Variants in LINGO4 observed in about 807,000 individuals in gnomAD.
LINGO4 encodes the protein leucine-rich repeat and immunoglobulin-like domain-containing nogo receptor-interacting protein 4.
Under a neutral mutation model 27.9 loss-of-function variants are expected in LINGO4, and 22 were observed. That is an observed-to-expected ratio of 0.79 (90% CI 0.56 to 1.13). The LOEUF is 1.13. LINGO4 is among the 50% of genes most tolerant of loss of function. LINGO4 has a pLI of 0.00. For missense variants in LINGO4, 706 were observed against 739.4 expected (o/e 0.95, Z 0.52); for synonymous variants, 306 against 325.8 (o/e 0.94, Z 0.65).
rs747189010 is a variant in LINGO4, at chr1:151,802,345, G to A, written c.360C>T (p.Leu120=). The A allele has an allele frequency of 4.3e-6, 7 of 1,614,072 alleles. No individual in the cohort carries two copies. The South Asian group carries it at 6.6e-5, about 15-fold the overall frequency. The part of the protein sequence containing the change: ...LLTLRLQGNR[L]RIMGPGVFSG... ...AGAAGACCCCAGGCCCCATGATTCT[G>A]AGCCGATTGCCCTGCAGCCTCAGGG... The change falls in exon 2 of 2, where the codon CTC becomes CTT. Residue 120 remains leucine (L), a synonymous_variant. Transcript: ENST00000368820.
At chr1:151,804,903 G>A (rs573319207) in intron 1 of LINGO4, among the ~76,000 whole-genome samples, 4 of 152,192 alleles carry the variant, frequency 2.6e-5, no homozygotes, top group Non-Finnish European at 4.4e-5. Context: ...ACACCTGACT[G>A]ACAAATGGGA....
rs754121686 is a variant in LINGO4 at position 151,801,749 on chromosome 1, G to A, written c.956C>T (p.Ala319Val). The A allele has an allele frequency of 2.8e-5, 45 of 1,614,092 alleles. No individual in the cohort carries two copies. Among genetic ancestry groups the A allele is most frequent in the Non-Finnish European group, 3.8e-5 (45 of 1,180,044 alleles). The change falls in exon 2 of 2, where the codon GCC becomes GTC. Residue 319 changes from alanine (A) to valine (V), a missense_variant. By Grantham distance (64) the Ala-to-Val change is moderately conservative. Transcript: ENST00000368820. The surrounding 1 kb of genome is among the most constrained non-coding windows in gnomAD (Gnocchi z 5.7). ...GACLTSIAAH[A>V]FHGLTAFHLL... ...GTGGAAGGCAGTCAAGCCATGGAAGGCATGGGCAGCAATGGAGGTGAGGCA... is the reference window on the plus strand; with the variant it reads ...GTGGAAGGCAGTCAAGCCATGGAAGACATGGGCAGCAATGGAGGTGAGGCA...
chr1:151,801,502 G>A lies in LINGO4; in HGVS notation c.1203C>T (p.Asp401=). 6.2e-7 allele frequency: 1 copy of A among 1,614,162 alleles called. No homozygotes were observed. Among genetic ancestry groups the A allele is most frequent in the Non-Finnish European group, 8.5e-7 (1 of 1,180,050 alleles). The change falls in exon 2 of 2, where the codon GAC becomes GAT. Residue 401 remains aspartate, a synonymous_variant. Transcript: ENST00000368820. This position sits in a 1 kb window ranked among gnomAD's most constrained non-coding sequence, Gnocchi z 5.7. ...AGGTGAAGTGCCCTGGAGGCAGGAT[G>A]TCTGAAAACTCCTTCAGGCTCTTCC... ...VQGKSLKEFS[D]ILPPGHFTCK...
rs1248407863 is a variant in LINGO4, at chr1:151,801,678, C to T, written c.1027G>A (p.Ala343Thr). 1 of 1,614,234 alleles carries T rather than the reference C, an allele frequency of 6.2e-7. No homozygotes were observed. Residue 343 changes from alanine to threonine, a missense_variant, in exon 2 of 2, where the codon GCT (alanine) becomes ACT (threonine). Physicochemically the swap from Ala to Thr is moderately conservative, Grantham distance 58 (BLOSUM62 0). Transcript: ENST00000368820. The surrounding 1 kb of genome is among the most constrained non-coding windows in gnomAD (Gnocchi z 5.7). ...ACCAGTTTGTCTGGAGAAGGGAAAGCTGTTTCCTCTAGTGTCTGAAGGGCG... is the reference window on the plus strand; with the variant it reads ...ACCAGTTTGTCTGGAGAAGGGAAAGTTGTTTCCTCTAGTGTCTGAAGGGCG... ...DNALQTLEET[A>T]FPSPDKLVTL...
rs12409493 is a variant in LINGO4, at chr1:151,800,691, G to A, written c.*232C>T. ...GGGGTGAAGCAGGGGCTGGACTAAC[G>A]ACGGGGTCTGCATCTGCAGCTCCCT... On this transcript the variant is annotated 3_prime_UTR_variant, in exon 2 of 2. Coordinates refer to ENST00000368820, the MANE Select transcript of LINGO4 (RefSeq NM_001004432.4). The A allele has an allele frequency of 0.33, 171,424 of 511,802 alleles. 30,027 individuals are homozygous for A. The highest frequency in any genetic ancestry group is 0.46 in the Middle Eastern group (915 of 1,982). 31.7% of individuals were successfully genotyped at this position (511,802 alleles called of 1,614,324 possible).
At position 151,801,789 on chromosome 1, in the gene LINGO4, GT is replaced by G. The variant is rs1251041189; in HGVS notation, c.915del (p.Arg306AlafsTer18). ...RLSPLVRLQELRLSGACLTSI... is the reference protein window; with the variant it reads ...RLSPLVRLQEXRLSGACLTSI... ...GAGGTGAGGCATGCCCCTGACAGGC[GT>G]AGCTCCTGGAGCCGCACCAGGGGGC... On this transcript the variant is annotated frameshift_variant, in exon 2 of 2. Transcript: ENST00000368820. LOFTEE classifies it high-confidence loss of function. The surrounding 1 kb of genome is among the most constrained non-coding windows in gnomAD (Gnocchi z 5.7). The G allele has an allele frequency of 5.0e-6, 8 of 1,614,094 alleles. No homozygotes were observed. Among genetic ancestry groups the G allele is most frequent in the Admixed American group, 1.7e-5 (1 of 60,008 alleles).
chr1:151,804,547 A>G (rs1259682881), intron 1 of LINGO4, among the ~76,000 whole-genome samples: 1 of 152,248 alleles, frequency 6.6e-6, no homozygotes, highest in Non-Finnish European at 1.5e-5. Flanking sequence ...GCAAAAGTGC[A>G]GTGAAGCATG....
Position 151,802,076 on chromosome 1 carries a change from C to CT in LINGO4, c.628dup (p.Arg210LysfsTer3), listed in dbSNP as rs1296339611. On this transcript the variant is annotated frameshift_variant, in exon 2 of 2. Coordinates refer to ENST00000368820, the MANE Select transcript of LINGO4 (RefSeq NM_001004432.4). LOFTEE classifies it high-confidence loss of function. ...CCTCCCAATATCCAGTTCTCTAAGC[C>CT]TTAGGGCCACTAGTGCCGGGAGACG... 2 of 1,613,962 alleles carry CT rather than the reference C, an allele frequency of 1.2e-6. No homozygotes were observed. The highest frequency in any genetic ancestry group is 1.7e-6 in the Non-Finnish European group (2 of 1,180,032).
At chr1:151,804,031 C>T (rs776083708) in intron 1 of LINGO4, among the ~76,000 whole-genome samples, 3 of 152,276 alleles carry the variant, frequency 2.0e-5, no homozygotes, top group South Asian at 2.1e-4. Flanking sequence ...GGATACAGCG[C>T]GTCTGAGTCT....
In LINGO4 at chr1:151,801,459, G is replaced by A. The variant is rs140280186; in HGVS notation, c.1246C>T (p.Arg416Ter). ...GHFTCKPALI[R>*]KSGPRWVIAE... ...ATGACCCATCGAGGCCCCGACTTTC[G>A]GATCAGGGCTGGTTTGCAGGTGAAG... The change falls in exon 2 of 2, where the codon CGA becomes TGA. Residue 416 changes from arginine (R) to a stop codon, truncating the protein, a stop_gained. Transcript: ENST00000368820. LOFTEE classifies it high-confidence loss of function. The surrounding 1 kb of genome is among the most constrained non-coding windows in gnomAD (Gnocchi z 5.7). The A allele has an allele frequency of 2.7e-5, 44 of 1,614,054 alleles. No individual in the cohort carries two copies. Among genetic ancestry groups the A allele is most frequent in the East Asian group, 6.7e-5 (3 of 44,886 alleles).
In LINGO4 at chr1:151,801,525, TC is replaced by T. The variant is rs770083424; in HGVS notation, c.1179del (p.Lys394ArgfsTer3). 3.1e-6 allele frequency: 5 copies of T among 1,613,786 alleles called. No individual in the cohort carries two copies. Among genetic ancestry groups the T allele is most frequent in the Non-Finnish European group, 2.5e-6 (3 of 1,179,946 alleles). On this transcript the variant is annotated frameshift_variant, in exon 2 of 2. Transcript: ENST00000368820. LOFTEE classifies it high-confidence loss of function. This position sits in a 1 kb window ranked among gnomAD's most constrained non-coding sequence, Gnocchi z 5.7. ...ATGTCTGAAAACTCCTTCAGGCTCT[TC>T]CCCTGGACATGATGGGGGCCAGCAC... Reference protein sequence around the residue: ...PACAGPHHVQGKSLKEFSDIL... With the variant: ...PACAGPHHVQXKSLKEFSDIL...
chr1:151,801,609 G>A lies in LINGO4; in HGVS notation c.1096C>T (p.Leu366Phe), dbSNP rs755428616. ...CGGCGGAGCCGGAGCAGCCAGAGGA[G>A]GCGGCAGTCACAGGTTAGGGGGTTG... Reference protein sequence around the residue: ...SGNPLTCDCRLLWLLRLRRHL... With the variant: ...SGNPLTCDCRFLWLLRLRRHL... The change falls in exon 2 of 2, where the codon CTC becomes TTC. Residue 366 changes from leucine (L) to phenylalanine (F), a missense_variant. Transcript: ENST00000368820. The surrounding 1 kb of genome is among the most constrained non-coding windows in gnomAD (Gnocchi z 5.7). 9 of 1,613,974 alleles carry A rather than the reference G, an allele frequency of 5.6e-6. No individual in the cohort carries two copies. Among genetic ancestry groups the A allele is most frequent in the Non-Finnish European group, 7.6e-6 (9 of 1,180,040 alleles).
In LINGO4 at chr1:151,802,657, CG is replaced by C; in HGVS notation, c.47del (p.Pro16ArgfsTer52). 1 of 1,554,132 alleles carries C rather than the reference CG, an allele frequency of 6.4e-7. No homozygotes were observed. The highest frequency in any genetic ancestry group is 1.2e-5 in the South Asian group (1 of 80,542). On this transcript the variant is annotated frameshift_variant, in exon 2 of 2. Transcript: ENST00000368820. LOFTEE classifies it high-confidence loss of function. ...CAGGTAGGAGGAGGAGGAAAAGGAG[CG>C]GGGGCCATGGGGGCCAGGCTTGCTT... is the stretch of plus-strand genomic sequence containing the variant. The part of the protein sequence containing the change: ...APKQAWPPWP[P>X]LLFLLLLPGG...
chr1:151,802,658 G>T lies in LINGO4; in HGVS notation c.47C>A (p.Pro16Gln), dbSNP rs772746600. The change falls in exon 2 of 2, where the codon CCG (proline) becomes CAG (glutamine). Residue 16 changes from proline (P) to glutamine (Q), a missense_variant. Physicochemically the swap from Pro to Gln is moderately conservative, Grantham distance 76. Transcript: ENST00000368820. ...AGGTAGGAGGAGGAGGAAAAGGAGC[G>T]GGGGCCATGGGGGCCAGGCTTGCTT... ...APKQAWPPWPPLLFLLLLPGG... is the reference protein window; with the variant it reads ...APKQAWPPWPQLLFLLLLPGG... 1.3e-6 allele frequency: 2 copies of T among 1,545,088 alleles called. No homozygotes were observed. The highest frequency in any genetic ancestry group is 2.3e-5 in the East Asian group (1 of 44,234).
chr1:151,804,526 C>T (rs1240528224), intron 1 of LINGO4, among the ~76,000 whole-genome samples: 1 of 152,246 alleles, frequency 6.6e-6, no homozygotes, highest in Non-Finnish European at 1.5e-5. Context: ...CCCATCCTCG[C>T]TCTGCATTCA....
rs142979234 is a variant in LINGO4 at position 151,802,026 on chromosome 1, G to T, written c.679C>A (p.Leu227Met). Residue 227 changes from leucine (L) to methionine (M), a missense_variant, in exon 2 of 2, where the codon CTG becomes ATG. Leu to Met is a conservative substitution (Grantham distance 15). Coordinates refer to ENST00000368820, the MANE Select transcript of LINGO4 (RefSeq NM_001004432.4). ...ATCTCCAGCTCCTTGAGCTGCCCCA[G>T]CCCCCGCAGGGCCCCAGCTGGCAGC... ...GRLPAGALRG[L>M]GQLKELEIHL... 1.4e-4 allele frequency: 224 copies of T among 1,614,120 alleles called. No individual in the cohort carries two copies. Among genetic ancestry groups the T allele is most frequent in the Admixed American group, 6.3e-4 (38 of 60,024 alleles).
chr1:151,801,558 G>C lies in LINGO4; in HGVS notation c.1147C>G (p.Pro383Ala), dbSNP rs181187833. Residue 383 changes from proline to alanine, a missense_variant, in exon 2 of 2, where the codon CCT becomes GCT. Transcript: ENST00000368820. This position sits in a 1 kb window ranked among gnomAD's most constrained non-coding sequence, Gnocchi z 5.7. ...ACATGATGGGGGCCAGCACAGGCAG[G>C]GGGGGACATGCCAAAGTCCAGGTGG... is the stretch of plus-strand genomic sequence containing the variant. ...RRHLDFGMSP[P>A]ACAGPHHVQG... 379 of 1,613,754 alleles carry C rather than the reference G, an allele frequency of 2.3e-4. 3 individuals carry two copies. In the East Asian group the frequency reaches 6.1e-3, roughly 26 times the overall value.
chr1:151,802,821 T>C (rs1013055207), intron 1 of LINGO4, 104 bp from the exon 2 acceptor site: 3 of 768,436 alleles, frequency 3.9e-6, no homozygotes. Context: ...GGTCTATCTG[T>C]CTCAGCATTG....
Position 151,801,895 on chromosome 1 carries a change from T to C in LINGO4, c.810A>G (p.Gln270=). 1 of 1,614,156 alleles carries C rather than the reference T, an allele frequency of 6.2e-7. No homozygotes were observed. The highest frequency in any genetic ancestry group is 8.5e-7 in the Non-Finnish European group (1 of 1,179,994). ...TRCNLSSVPF[Q]ALYHLSFLRV... is the part of the protein sequence containing the mutation. ...TGAGGAAGCTGAGGTGGTACAGTGCTTGGAAGGGCACCGAGCTCAGATTGC... is the reference window on the plus strand; with the variant it reads ...TGAGGAAGCTGAGGTGGTACAGTGCCTGGAAGGGCACCGAGCTCAGATTGC... Residue 270 remains glutamine (Q), a synonymous_variant, in exon 2 of 2, where the codon CAA becomes CAG. Coordinates refer to ENST00000368820, the MANE Select transcript of LINGO4 (RefSeq NM_001004432.4). The surrounding 1 kb of genome is among the most constrained non-coding windows in gnomAD (Gnocchi z 5.7).
Sources: gnomAD v4.1 joint callset for allele counts (sites outside exome capture counted in the v4.1 genomes callset) on GRCh38, gnomAD v4.1.1 for gene constraint, Gnocchi (gnomAD v3.1) non-coding constraint, MANE v1.5 for transcripts, NCBI Gene and HGNC (gene_info 2026-07-23, HGNC 2026-07-21) for gene names.